Variants in CDH13 observed in about 807,000 individuals in gnomAD.
The protein encoded by CDH13 is cadherin-13.
A neutral mutation model predicts 63.8 loss-of-function variants in CDH13; 24 were observed. That is an observed-to-expected ratio of 0.38 (90% CI 0.27 to 0.53). The LOEUF (loss-of-function observed/expected upper bound fraction) is 0.53. CDH13 is among the 20% of genes least tolerant of loss of function. The pLI is 0.85. For missense variants in CDH13, 1,049 were observed against 903.1 expected (o/e 1.16, Z -2.07); for synonymous variants, 503 against 355.3 (o/e 1.42, Z -4.67).
intron 4 of CDH13, among the ~76,000 whole-genome samples, chr16:83,132,437 C>T (rs1384717924): frequency 2.0e-5 from 2 of 99,358 alleles, no homozygotes; most frequent in African/African-American, 7.7e-5. Flanking sequence ...CCCCACCCAC[C>T]CCCCAACACC....
chr16:83,790,633 G>A (rs929490475), intron 13 of CDH13, among the ~76,000 whole-genome samples: 21 of 152,004 alleles, frequency 1.4e-4, no homozygotes, highest in South Asian at 8.3e-4. Context: ...TCGATCTCCC[G>A]ACCTCGTGAT....
chr16:82,667,940 T>C (rs953210502), intron 1 of CDH13, among the ~76,000 whole-genome samples: 8 of 152,164 alleles, frequency 5.3e-5, no homozygotes, highest in Non-Finnish European at 1.2e-4. Context: ...ACACCTGTAT[T>C]TGTCACGCTG....
intron 6 of CDH13, among the ~76,000 whole-genome samples, chr16:83,388,994 A>G (rs1394127704): frequency 1.3e-5 from 2 of 152,290 alleles, no homozygotes; most frequent in South Asian, 2.1e-4. Context: ...TGAAAAACCC[A>G]TTCCCAGGCA....
At chr16:82,642,858 G>C (rs1269927167) in intron 1 of CDH13, among the ~76,000 whole-genome samples, 1 of 152,170 alleles carries the variant, frequency 6.6e-6, no homozygotes, top group African/African-American at 2.4e-5. Context: ...CCATTTCATA[G>C]GTGGGGAAAC....
intron 10 of CDH13, among the ~76,000 whole-genome samples, chr16:83,733,402 G>C (rs1283338465): frequency 6.6e-6 from 1 of 152,176 alleles, no homozygotes; most frequent in African/African-American, 2.4e-5. Flanking sequence ...CATCACGAAT[G>C]CAGTCTCTAT....
intron 1 of CDH13, among the ~76,000 whole-genome samples, chr16:82,664,255 T>A (rs747429680): frequency 6.6e-6 from 1 of 152,218 alleles, no homozygotes; most frequent in Non-Finnish European, 1.5e-5. Flanking sequence ...TGGCTGTGTC[T>A]CTCCTCCTCA....
At chr16:83,624,343 C>CCT (rs1481226660) in intron 8 of CDH13, among the ~76,000 whole-genome samples, 3 of 151,588 alleles carry the variant, frequency 2.0e-5, no homozygotes, top group South Asian at 4.2e-4. Flanking sequence ...ATAACGCCCC[C>CCT]ACCCCTGCCC....
rs567308891 is a variant in CDH13 at position 83,561,330 on chromosome 16, G to A, written c.961-41124G>A. Among the ~76,000 whole-genome samples, 4 of 151,260 alleles carry A rather than the reference G, an allele frequency of 2.6e-5. No homozygotes were observed. In the East Asian group the frequency reaches 7.9e-4, roughly 30 times the overall value. On this transcript the variant is annotated intron_variant, in intron 7 of 13. Coordinates refer to ENST00000567109, the MANE Select transcript of CDH13 (RefSeq NM_001257.5). ...GTGTGGTGACGCATGGGAGGCTGAGGCAGGAGAATTATTTGAACCTGAGAG... is the reference window on the plus strand; with the variant it reads ...GTGTGGTGACGCATGGGAGGCTGAGACAGGAGAATTATTTGAACCTGAGAG...
At chr16:83,195,613 G>T (rs7192278) in intron 4 of CDH13, among the ~76,000 whole-genome samples, 1 of 151,982 alleles carries the variant, frequency 6.6e-6, no homozygotes, top group Non-Finnish European at 1.5e-5. Flanking sequence ...ACCCCCCGCC[G>T]TGATCCCATC....
chr16:82,936,283 C>T (rs2042665933), intron 2 of CDH13, among the ~76,000 whole-genome samples: 1 of 152,128 alleles, frequency 6.6e-6, no homozygotes, highest in African/African-American at 2.4e-5. Context: ...AAAGAAAAGC[C>T]TTACCAAGGA....
chr16:83,048,284 C>G (rs184139120), intron 3 of CDH13, among the ~76,000 whole-genome samples: 5 of 152,224 alleles, frequency 3.3e-5, no homozygotes, highest in Admixed American at 3.3e-4. Flanking sequence ...TAAGGATTGA[C>G]TGAAATTAAT....
chr16:83,186,630 C>A (rs911987798), intron 4 of CDH13, among the ~76,000 whole-genome samples: 1 of 152,156 alleles, frequency 6.6e-6, no homozygotes, highest in African/African-American at 2.4e-5. Context: ...CTGCCCAAGA[C>A]TGTAGTATGT....
chr16:82,898,666 G>T (rs958068598), intron 2 of CDH13, among the ~76,000 whole-genome samples: 8 of 152,232 alleles, frequency 5.3e-5, no homozygotes, highest in Non-Finnish European at 1.0e-4. Flanking sequence ...AATGTTTACA[G>T]AGGTGGGAGA....
intron 10 of CDH13, among the ~76,000 whole-genome samples, chr16:83,724,312 A>G (rs949059852): frequency 6.7e-6 from 1 of 149,240 alleles, no homozygotes; most frequent in African/African-American, 2.5e-5. Flanking sequence ...TGGGTGAGTG[A>G]TGAATGAATG....
chr16:82,716,333 A>G (rs1007927712), intron 1 of CDH13, among the ~76,000 whole-genome samples: 3 of 152,060 alleles, frequency 2.0e-5, no homozygotes, highest in African/African-American at 7.2e-5. Flanking sequence ...GGAATTCTCC[A>G]TGTCACCTTT....
intron 1 of CDH13, among the ~76,000 whole-genome samples, chr16:82,717,802 G>A (rs1222972396): frequency 6.6e-6 from 1 of 152,210 alleles, no homozygotes; most frequent in Non-Finnish European, 1.5e-5. Context: ...GAGTTCTAGG[G>A]ATTAGGATTT....
rs1298485912 is a variant in CDH13, at chr16:83,181,853, C to T, written c.484-35492C>T. Among the ~76,000 whole-genome samples the T allele has an allele frequency of 3.9e-5, 6 of 152,032 alleles. No individual in the cohort carries two copies. In the East Asian group the frequency reaches 1.2e-3, roughly 29 times the overall value. ...AGGACCACAGTTTGCATAGATTTCC[C>T]ATGGAGATGTTGATTGCAGGTTGGT... On this transcript the variant is annotated intron_variant, in intron 4 of 13. Coordinates refer to ENST00000567109, the MANE Select transcript of CDH13 (RefSeq NM_001257.5).
intron 4 of CDH13, among the ~76,000 whole-genome samples, chr16:83,147,660 T>C (rs1256864207): frequency 6.6e-6 from 1 of 152,148 alleles, no homozygotes; most frequent in Non-Finnish European, 1.5e-5. Flanking sequence ...TTGACATCCT[T>C]ATGGGAAAGG....
chr16:83,428,681 G>T (rs2071992628), intron 6 of CDH13, among the ~76,000 whole-genome samples: 1 of 152,358 alleles, frequency 6.6e-6, no homozygotes, highest in African/African-American at 2.4e-5. Context: ...TAGTCCGTAA[G>T]ACAAGGGGAT....
Sources: gnomAD v4.1 joint callset for allele counts (sites outside exome capture counted in the v4.1 genomes callset) on GRCh38, gnomAD v4.1.1 for gene constraint, MANE v1.5 for transcripts, NCBI Gene and HGNC (gene_info 2026-07-23, HGNC 2026-07-21) for gene names.